The following FAM20A variants were observed in gnomAD, a reference collection of about 807,000 sequenced individuals.
FAM20A encodes pseudokinase FAM20A.
A neutral mutation model predicts 52.0 loss-of-function variants in FAM20A; 42 were observed. That is an observed-to-expected ratio of 0.81 (90% CI 0.63 to 1.04). FAM20A has a LOEUF of 1.04. FAM20A is among the 50% of genes least tolerant of loss of function. The pLI is 0.00. For missense variants in FAM20A, 742 were observed against 712.7 expected (o/e 1.04, Z -0.47); for synonymous variants, 304 against 298.9 (o/e 1.02, Z -0.18).
At chr17:68,540,527 G>A (rs1288862945) in intron 8 of FAM20A, 1 of 491,404 alleles carries the variant, frequency 2.0e-6, no homozygotes, top group South Asian at 1.5e-5. Flanking sequence ...ACATATTTGT[G>A]TACTTTCTTC....
intron 1 of FAM20A, among the ~76,000 whole-genome samples, chr17:68,580,367 C>T (rs1043850453): frequency 1.3e-5 from 2 of 152,102 alleles, no homozygotes; most frequent in South Asian, 2.1e-4. Context: ...GCTGGTTTCC[C>T]GAAATGGGCT....
chr17:68,600,108 G>A lies in FAM20A; in HGVS notation c.404+155C>T, dbSNP rs1412813460. Among the ~76,000 whole-genome samples, 2 of 152,190 alleles carry A rather than the reference G, an allele frequency of 1.3e-5. No homozygotes were observed. Among genetic ancestry groups the A allele is most frequent in the African/African-American group, 2.4e-5 (1 of 41,450 alleles). ...AGGTCTGCAACAGCTGGTGGGGTTC[G>A]GGTGGGGAACACACTCTAAGCCCAG... On this transcript the variant is annotated intron_variant, in intron 1 of 10. Coordinates refer to ENST00000592554, the MANE Select transcript of FAM20A (RefSeq NM_017565.4). This position sits in a 1 kb window ranked among gnomAD's most constrained non-coding sequence, Gnocchi z 6.2.
At chr17:68,585,365 C>T (rs11649965) in intron 1 of FAM20A, among the ~76,000 whole-genome samples, 25,495 of 151,850 alleles carry the variant, frequency 0.17, 2,448 homozygotes, top group East Asian at 0.35. Context: ...CCCACACTTC[C>T]GAGTCTTCAT....
intron 1 of FAM20A, among the ~76,000 whole-genome samples, chr17:68,570,660 C>T (rs2087512020): frequency 6.6e-6 from 1 of 152,150 alleles, no homozygotes; most frequent in Admixed American, 6.5e-5. Context: ...TTAGGATGAA[C>T]CGAAATGATA....
chr17:68,595,639 C>T (rs1045347812), intron 1 of FAM20A, among the ~76,000 whole-genome samples: 3 of 145,906 alleles, frequency 2.1e-5, no homozygotes, highest in Admixed American at 1.3e-4. Context: ...CCTGTCTTAG[C>T]TTAGCATTGT....
intron 1 of FAM20A, among the ~76,000 whole-genome samples, chr17:68,584,372 G>C (rs752628277): frequency 1.3e-5 from 2 of 151,228 alleles, no homozygotes; most frequent in Non-Finnish European, 2.9e-5. Context: ...AACACAAAAA[G>C]CTTAAGATCT....
chr17:68,535,916 G>T lies in FAM20A; in HGVS notation c.*1561C>A. On this transcript the variant is annotated 3_prime_UTR_variant, in exon 11 of 11. Transcript: ENST00000592554. ...TGGAATAGGTCTAAACCACTAAATT[G>T]TGTGATTTTGCTTACTCTCTCTGAG... 2.2e-6 allele frequency: 1 copy of T among 454,066 alleles called. No homozygotes were observed. Among genetic ancestry groups the T allele is most frequent in the South Asian group, 1.6e-5 (1 of 64,480 alleles). 28.1% of individuals were successfully genotyped at this position (454,066 alleles called of 1,614,324 possible).
intron 1 of FAM20A, among the ~76,000 whole-genome samples, chr17:68,562,290 CAG>C (rs973098173): frequency 1.3e-5 from 2 of 152,166 alleles, no homozygotes; most frequent in Non-Finnish European, 2.9e-5. Context: ...ATATCTAGGA[CAG>C]GGGTATTTAA....
At chr17:68,551,131 G>A in intron 4 of FAM20A, 1 of 1,234,154 alleles carries the variant, frequency 8.1e-7, no homozygotes, top group Non-Finnish European at 1.0e-6. Flanking sequence ...CTAAGGCACT[G>A]GGGCCGAACT....
intron 1 of FAM20A, among the ~76,000 whole-genome samples, chr17:68,598,803 C>T (rs552549256): frequency 6.6e-6 from 1 of 152,270 alleles, no homozygotes; most frequent in South Asian, 2.1e-4. Flanking sequence ...ATCACATTTA[C>T]AAAAGCAAGT....
At chr17:68,553,430 T>A (rs552925734) in intron 3 of FAM20A, among the ~76,000 whole-genome samples, 18 of 152,340 alleles carry the variant, frequency 1.2e-4, no homozygotes, top group Admixed American at 9.1e-4. Context: ...TGTAGTCACA[T>A]GTAGACATTT....
intron 4 of FAM20A, among the ~76,000 whole-genome samples, chr17:68,545,298 A>G (rs2086496432): frequency 6.6e-6 from 1 of 152,212 alleles, no homozygotes; most frequent in South Asian, 2.1e-4. Flanking sequence ...AGTTGGAACA[A>G]TTTTTGTATA....
At chr17:68,553,523 G>C (rs1341059870) in intron 3 of FAM20A, among the ~76,000 whole-genome samples, 2 of 152,076 alleles carry the variant, frequency 1.3e-5, no homozygotes, top group African/African-American at 2.4e-5. Flanking sequence ...TTAGGGTCCA[G>C]ACCCACCTAT....
chr17:68,560,124 T>C (rs2907381), intron 1 of FAM20A, among the ~76,000 whole-genome samples: 85,086 of 151,954 alleles, frequency 0.56, 27,556 homozygotes, highest in African/African-American at 0.88. Context: ...TTAGTAGAGA[T>C]GGGTTTCACC....
chr17:68,558,228 G>T (rs112691030), intron 1 of FAM20A: 2 of 308,622 alleles, frequency 6.5e-6, no homozygotes, highest in African/African-American at 4.4e-5. Context: ...TACCAACAAC[G>T]AGAATGAGCT....
intron 4 of FAM20A, among the ~76,000 whole-genome samples, chr17:68,546,814 T>G (rs1600545483): frequency 8.2e-6 from 1 of 122,516 alleles, no homozygotes. Context: ...TGGGCGAGAG[T>G]GCGAGACTAC....
In FAM20A at chr17:68,589,269, C is replaced by T. The variant is rs115661911; in HGVS notation, c.404+10994G>A. ...TGGGAGGCAGTACAGCCAAGATCAGCGGAACCAATGCAGTAGCTGACTACA... is the reference window on the plus strand; with the variant it reads ...TGGGAGGCAGTACAGCCAAGATCAGTGGAACCAATGCAGTAGCTGACTACA... On this transcript the variant is annotated intron_variant, in intron 1 of 10. Transcript: ENST00000592554. Among the ~76,000 whole-genome samples, 1,282 of 152,296 alleles carry T rather than the reference C, an allele frequency of 8.4e-3. 18 individuals carry two copies. The highest frequency in any genetic ancestry group is 0.03 in the African/African-American group (1,227 of 41,560).
In FAM20A at chr17:68,554,032, A is replaced by ACG. The variant is rs1332192906; in HGVS notation, c.640+744_640+745insCG. 2.0e-3 allele frequency among the ~76,000 whole-genome samples: 136 copies of ACG among 69,358 alleles called. 2 individuals carry two copies. The highest frequency in any genetic ancestry group is 0.013 in the Middle Eastern group (2 of 158). The allele number at this position is 69,358 out of a possible 152,430, so 45.5% of individuals were successfully genotyped here. On this transcript the variant is annotated intron_variant, in intron 3 of 10. Coordinates refer to ENST00000592554, the MANE Select transcript of FAM20A (RefSeq NM_017565.4). ...CATATATACATATATACATATATACACACATGCATATATACACATATACAC... is the reference window on the plus strand; with the variant it reads ...CATATATACATATATACATATATACACGCACATGCATATATACACATATACAC...
intron 4 of FAM20A, among the ~76,000 whole-genome samples, chr17:68,546,760 G>A (rs564996687): frequency 6.6e-6 from 1 of 151,556 alleles, no homozygotes; most frequent in Non-Finnish European, 1.5e-5. Flanking sequence ...AACCCGGGAG[G>A]TGGAGCTTGC....
Sources: gnomAD v4.1 joint callset for allele counts (sites outside exome capture counted in the v4.1 genomes callset) on GRCh38, gnomAD v4.1.1 for gene constraint, Gnocchi (gnomAD v3.1) non-coding constraint, MANE v1.5 for transcripts, NCBI Gene and HGNC (gene_info 2026-07-23, HGNC 2026-07-21) for gene names.